LAMC2: variants seen among roughly 807,000 people sequenced by gnomAD.
LAMC2 encodes the protein laminin subunit gamma 2, also known as laminin subunit gamma-2.
Under a neutral mutation model 140.2 loss-of-function variants are expected in LAMC2, and 97 were observed. That is an observed-to-expected ratio of 0.69 (90% CI 0.59 to 0.82). The LOEUF (loss-of-function observed/expected upper bound fraction) is 0.82, where lower values mean the gene tolerates loss of function less well. Among genes scored for constraint, LAMC2 ranks in the 40% least tolerant of loss-of-function variants. The pLI, the probability that LAMC2 is intolerant of heterozygous loss-of-function variation, is 0.00. For synonymous variants in LAMC2, 513 were observed against 540.2 expected (o/e 0.95, Z 0.70); for missense variants, 1,402 against 1,476.1 (o/e 0.95, Z 0.82).
the LAMC2 span, among the ~76,000 whole-genome samples, chr1:183,254,541 A>C: frequency 6.6e-6 from 1 of 152,094 alleles, no homozygotes; most frequent in African/African-American, 2.4e-5. Context: ...GGGCTCAAGC[A>C]ATCCTCCTGC....
At position 183,232,169 on chromosome 1, in the gene LAMC2, T is replaced by C. The variant is rs1231183700; in HGVS notation, c.1858-18T>C. On this transcript the variant is annotated intron_variant, in intron 12 of 22. Transcript: ENST00000264144. ...CATGGTCTCCACCCTCGTTCTGATC[T>C]TTCCTGTGTGGTTTCAGATGGATCA... 4 of 1,613,330 alleles carry C rather than the reference T, an allele frequency of 2.5e-6. No individual in the cohort carries two copies. The highest frequency in any genetic ancestry group is 3.4e-6 in the Non-Finnish European group (4 of 1,179,956).
the LAMC2 span, among the ~76,000 whole-genome samples, chr1:183,255,622 T>A: frequency 5.3e-5 from 8 of 152,074 alleles, no homozygotes; most frequent in Middle Eastern, 3.4e-3. Flanking sequence ...TACTCCAGTG[T>A]ACAGATTTTT....
chr1:183,254,208 T>G, the LAMC2 span, among the ~76,000 whole-genome samples: 1 of 152,190 alleles, frequency 6.6e-6, no homozygotes. Flanking sequence ...CCACCAACAG[T>G]GTACAAGGGT....
rs76667253 is a variant in LAMC2, at chr1:183,226,139, C to CTTT, written c.1066+433_1066+435dup. ...GAGTCATCATGTATTCTATTAATTC[C>CTTT]TTTTTTTTTTTTTTTTGAATTTCAC... On this transcript the variant is annotated intron_variant, in intron 8 of 22. Transcript: ENST00000264144. Among the ~76,000 whole-genome samples, 1,223 of 136,172 alleles carry CTTT rather than the reference C, an allele frequency of 9.0e-3. 23 individuals are homozygous for CTTT. The highest frequency in any genetic ancestry group is 0.028 in the African/African-American group (1,016 of 36,382). 89.3% of individuals were successfully genotyped at this position (136,172 alleles called of 152,430 possible).
Position 183,222,118 on chromosome 1 carries a change from A to G in LAMC2, c.670A>G (p.Asn224Asp), listed in dbSNP as rs778149622. 6.8e-6 allele frequency: 11 copies of G among 1,614,038 alleles called. No homozygotes were observed. In the Admixed American group the frequency reaches 1.8e-4, roughly 27 times the overall value. The change falls in exon 6 of 23, where the codon AAT (asparagine) becomes GAT (aspartate). Residue 224 changes from asparagine (N) to aspartate (D), a missense_variant. By Grantham distance (23) the Asn-to-Asp change is conservative (BLOSUM62 1). This residue lies in a region of LAMC2 where 723 missense variants were observed against 783.3 expected (regional missense o/e 0.92). Transcript: ENST00000264144. ...TGATGGCTGGAAGGCTGTCCAACGAAATGGGTCTCCTGCAAAGCTCCAATG... is the reference window on the plus strand; with the variant it reads ...TGATGGCTGGAAGGCTGTCCAACGAGATGGGTCTCCTGCAAAGCTCCAATG... The part of the protein sequence containing the change: ...DVDGWKAVQR[N>D]GSPAKLQWSQ...
chr1:183,248,959 T>C (rs925916467), downstream of LAMC2: 8 of 151,176 alleles, frequency 5.3e-5, no homozygotes, highest in African/African-American at 1.5e-4. Context: ...AGAATTGGGC[T>C]GGTAAGTACA....
intron 16 of LAMC2, 55 bp from the exon 17 acceptor site, chr1:183,236,405 A>C (rs1232852925): frequency 2.1e-6 from 3 of 1,447,268 alleles, no homozygotes. Flanking sequence ...AAAAAAAAAA[A>C]AGAATTCTCA....
chr1:183,249,052 A>C (rs1660303790), downstream of LAMC2: 1 of 152,124 alleles, frequency 6.6e-6, no homozygotes, highest in Non-Finnish European at 1.5e-5. Flanking sequence ...TTGAACAGCA[A>C]GTTCTTTAAT....
At position 183,234,447 on chromosome 1, in the gene LAMC2, G is replaced by A; in HGVS notation, c.2300+1G>A. On this transcript the variant is annotated splice_donor_variant, in intron 15 of 22. Transcript: ENST00000264144. LOFTEE classifies it high-confidence loss of function. ...AGGAGGCCACAAGATTAGCAGAAAG[G>A]TGAGCAGCATTAGAGGGCACCTCTG... 1 of 1,613,510 alleles carries A rather than the reference G, an allele frequency of 6.2e-7. No homozygotes were observed. Among genetic ancestry groups the A allele is most frequent in the Non-Finnish European group, 8.5e-7 (1 of 1,179,432 alleles).
At chr1:183,249,534 G>C (rs1463017183), downstream of LAMC2, 1 of 152,206 alleles carries the variant, frequency 6.6e-6, no homozygotes, top group Non-Finnish European at 1.5e-5. Context: ...ACAAAGTCGG[G>C]GGGTAGAGGT....
chr1:183,234,491 A>T (rs750204687), intron 15 of LAMC2, 45 bp downstream of exon 15: 1 of 1,447,962 alleles, frequency 6.9e-7, no homozygotes, highest in South Asian at 1.1e-5. Flanking sequence ...CGTCTCTGCA[A>T]GGCCAGACTT....
At chr1:183,190,824 T>C (rs535585685) in intron 1 of LAMC2, among the ~76,000 whole-genome samples, 1 of 152,342 alleles carries the variant, frequency 6.6e-6, no homozygotes, top group Admixed American at 6.5e-5. Flanking sequence ...TATTCAGTTA[T>C]ATTCATCTCA....
intron 2 of LAMC2, among the ~76,000 whole-genome samples, chr1:183,212,128 T>A (rs1382718221): frequency 6.6e-6 from 1 of 152,160 alleles, no homozygotes; most frequent in Non-Finnish European, 1.5e-5. Flanking sequence ...TTAAAATAAT[T>A]CATTTCTGAA....
At chr1:183,187,603 T>A (rs1329337210) in intron 1 of LAMC2, among the ~76,000 whole-genome samples, 1 of 152,202 alleles carries the variant, frequency 6.6e-6, no homozygotes, top group Non-Finnish European at 1.5e-5. Flanking sequence ...CATCATGTTG[T>A]ATACCTTAAA....
downstream of LAMC2, chr1:183,249,680 GGCGTGTGTGTGT>G (rs1558103484): frequency 1.7e-5 from 2 of 116,316 alleles, no homozygotes; most frequent in South Asian, 3.3e-4. Flanking sequence ...TGAAGAGTAG[GGCGTGTGTGTGT>G]GTGTGTGTGT....
At chr1:183,209,476 A>G (rs1026269450) in intron 2 of LAMC2, among the ~76,000 whole-genome samples, 4 of 152,200 alleles carry the variant, frequency 2.6e-5, no homozygotes, top group African/African-American at 9.7e-5. Flanking sequence ...TGCTGTCACA[A>G]TGTGGTTTGA....
intron 14 of LAMC2, 70 bp from the exon 15 acceptor site, chr1:183,234,297 C>A: frequency 1.7e-6 from 2 of 1,181,486 alleles, no homozygotes; most frequent in Non-Finnish European, 2.5e-6. Flanking sequence ...ACAGATGCAC[C>A]TGCTTAAGTT....
chr1:183,215,515 G>A lies in LAMC2; in HGVS notation c.331G>A (p.Ala111Thr). The A allele has an allele frequency of 1.2e-6, 2 of 1,614,132 alleles. No homozygotes were observed. The highest frequency in any genetic ancestry group is 1.7e-6 in the Non-Finnish European group (2 of 1,180,042). Residue 111 changes from alanine (A) to threonine (T), a missense_variant, in exon 3 of 23, where the codon GCC becomes ACC. Physicochemically the swap from Ala to Thr is moderately conservative, Grantham distance 58 (BLOSUM62 0). This residue lies in a region of LAMC2 where 723 missense variants were observed against 783.3 expected (regional missense o/e 0.92). Transcript: ENST00000264144. ...CAGCTGTAAACCAGGTGTGACAGGA[G>A]CCAGATGCGACCGATGTCTGCCAGG... Reference protein sequence around the residue: ...RCSCKPGVTGARCDRCLPGFH... With the variant: ...RCSCKPGVTGTRCDRCLPGFH...
intron 22 of LAMC2, chr1:183,240,644 AG>A (rs1430919329): frequency 4.5e-5 from 63 of 1,396,556 alleles, no homozygotes; most frequent in Admixed American, 8.9e-5. Flanking sequence ...GCCAAAGAAC[AG>A]GTGTATATAA....
Sources: allele counts gnomAD v4.1 joint callset (sites outside exome capture counted in the v4.1 genomes callset), GRCh38; gene constraint gnomAD v4.1.1; regional missense constraint gnomAD v4.1.1; transcripts MANE v1.5; gene names NCBI Gene and HGNC (gene_info 2026-07-23, HGNC 2026-07-21).